Variants in ALDH18A1 observed in about 807,000 individuals in gnomAD.
The protein encoded by ALDH18A1 is delta-1-pyrroline-5-carboxylate synthase.
A neutral mutation model predicts 88.8 loss-of-function variants in ALDH18A1; 44 were observed. That is an observed-to-expected ratio of 0.50 (90% CI 0.39 to 0.64). The LOEUF is 0.64. Among genes scored for constraint, ALDH18A1 ranks in the 30% least tolerant of loss-of-function variants. The pLI is 0.00. For synonymous variants in ALDH18A1, 331 were observed against 372.1 expected (o/e 0.89, Z 1.27); for missense variants, 782 against 1,009.5 (o/e 0.77, Z 3.05).
intron 1 of ALDH18A1, among the ~76,000 whole-genome samples, chr10:95,654,864 C>G (rs2097915476): frequency 6.6e-6 from 1 of 151,908 alleles, no homozygotes; most frequent in African/African-American, 2.4e-5. Flanking sequence ...AAAATAACTA[C>G]AGAAGAGCCA....
intron 15 of ALDH18A1, among the ~76,000 whole-genome samples, chr10:95,613,335 TG>T (rs539868069): frequency 1.1e-3 from 166 of 152,274 alleles, no homozygotes; most frequent in Non-Finnish European, 1.8e-3. Flanking sequence ...CCAAAGACAC[TG>T]GGGGGAGGCA....
intron 2 of ALDH18A1, among the ~76,000 whole-genome samples, chr10:95,652,076 T>A (rs1363559739): frequency 6.6e-6 from 1 of 152,224 alleles, no homozygotes; most frequent in Non-Finnish European, 1.5e-5. Context: ...ACACAGCAAC[T>A]TGAATGAATC....
chr10:95,628,772 C>T (rs1387935806), intron 7 of ALDH18A1: 4 of 423,448 alleles, frequency 9.4e-6, no homozygotes, highest in Admixed American at 3.6e-5. Context: ...ATTAGCCCTG[C>T]CCATATTCCT....
chr10:95,655,681 A>AGTGTGT lies in ALDH18A1; in HGVS notation c.-29+910_-29+915dup, dbSNP rs3838754. 2.0e-3 allele frequency among the ~76,000 whole-genome samples: 304 copies of AGTGTGT among 150,276 alleles called. 2 individuals are homozygous for AGTGTGT. Among genetic ancestry groups the AGTGTGT allele is most frequent in the South Asian group, 0.018 (86 of 4,678 alleles). On this transcript the variant is annotated intron_variant, in intron 1 of 17. Coordinates refer to ENST00000371224, the MANE Select transcript of ALDH18A1 (RefSeq NM_002860.4). ...ACAGTTGATCCCAAGGAGCAAAGAG[A>AGTGTGT]GTGTGTGTGTGTGTGTGTGTGTGTG... is the stretch of plus-strand genomic sequence containing the variant.
At position 95,616,558 on chromosome 10, in the gene ALDH18A1, C is replaced by T; in HGVS notation, c.1524G>A (p.Glu508=). The stretch of plus-strand genomic sequence containing the variant: ...GGAGAATCCGGTTGCTGTGTGCAGC[C>T]TCCTTCCCTCCTTTGAGTAACAAGC... ...GNGLLLKGGK[E]AAHSNRILHL... is the part of the protein sequence containing the mutation. The change falls in exon 13 of 18, where the codon GAG becomes GAA. Residue 508 remains glutamate, a synonymous_variant. Transcript: ENST00000371224. The T allele has an allele frequency of 1.2e-6, 2 of 1,601,446 alleles. No homozygotes were observed. Among genetic ancestry groups the T allele is most frequent in the Non-Finnish European group, 1.7e-6 (2 of 1,174,000 alleles).
intron 9 of ALDH18A1, 75 bp from the exon 10 acceptor site, chr10:95,626,851 T>C: frequency 2.7e-6 from 4 of 1,469,506 alleles, no homozygotes; most frequent in Non-Finnish European, 3.8e-6. Context: ...GAGAGAGAAC[T>C]ACCAGCACAT....
chr10:95,649,956 A>AG (rs1465065475), intron 2 of ALDH18A1, among the ~76,000 whole-genome samples: 8 of 152,018 alleles, frequency 5.3e-5, no homozygotes, highest in African/African-American at 1.9e-4. Flanking sequence ...GCTACCTGGG[A>AG]GGCTGACATA....
chr10:95,632,509 G>A (rs1250658540), intron 7 of ALDH18A1, among the ~76,000 whole-genome samples: 2 of 152,148 alleles, frequency 1.3e-5, no homozygotes, highest in Non-Finnish European at 2.9e-5. Context: ...AACCGCAGGC[G>A]CATACCACCA....
intron 2 of ALDH18A1, among the ~76,000 whole-genome samples, chr10:95,652,228 G>C (rs1351828691): frequency 1.3e-5 from 2 of 152,216 alleles, no homozygotes; most frequent in Admixed American, 1.3e-4. Flanking sequence ...TAGGGAAGAG[G>C]ACAGTGGCTG....
intron 12 of ALDH18A1, 109 bp from the exon 13 acceptor site, chr10:95,616,723 T>C (rs2139552977): frequency 7.2e-7 from 1 of 1,386,640 alleles, no homozygotes; most frequent in East Asian, 2.5e-5. Flanking sequence ...GTTCATCATT[T>C]TAGAAGGCCT....
chr10:95,628,277 AT>A, intron 8 of ALDH18A1, 90 bp downstream of exon 8: 1 of 1,578,960 alleles, frequency 6.3e-7, no homozygotes, highest in Non-Finnish European at 8.7e-7. Context: ...TATCTGAACC[AT>A]TAACCCCCAA....
At chr10:95,635,227 A>T (rs1257377406) in intron 5 of ALDH18A1, among the ~76,000 whole-genome samples, 2 of 152,100 alleles carry the variant, frequency 1.3e-5, no homozygotes, top group African/African-American at 4.8e-5. Context: ...TGGACACAGG[A>T]CTAGGTCCAA....
chr10:95,611,524 T>G, intron 15 of ALDH18A1, 82 bp from the exon 16 acceptor site: 1 of 1,530,652 alleles, frequency 6.5e-7, no homozygotes, highest in Admixed American at 1.7e-5. Flanking sequence ...AAGGTGAGCC[T>G]GTAAAACCAC....
chr10:95,633,792 T>C (rs1403312350), intron 5 of ALDH18A1, 143 bp from the exon 6 acceptor site: 2 of 607,228 alleles, frequency 3.3e-6, no homozygotes, highest in African/African-American at 1.9e-5. Flanking sequence ...GAAATACACA[T>C]ATCTGGGTGC....
chr10:95,633,315 T>C (rs556795978), intron 6 of ALDH18A1, among the ~76,000 whole-genome samples, 176 bp downstream of exon 6: 2 of 152,196 alleles, frequency 1.3e-5, no homozygotes, highest in African/African-American at 2.4e-5. Context: ...CTATAGCACC[T>C]CACCCTGTTG....
chr10:95,624,842 T>C (rs1357911680), intron 11 of ALDH18A1, among the ~76,000 whole-genome samples: 3 of 152,246 alleles, frequency 2.0e-5, no homozygotes, highest in Admixed American at 6.5e-5. Context: ...CTCTTTCACA[T>C]GTACAGTCCA....
chr10:95,624,706 T>C (rs1034249061), intron 11 of ALDH18A1, among the ~76,000 whole-genome samples: 5 of 152,234 alleles, frequency 3.3e-5, no homozygotes, highest in African/African-American at 1.2e-4. Flanking sequence ...CATCTTACTT[T>C]ACCATTAGCA....
chr10:95,651,849 A>G (rs560163734), intron 2 of ALDH18A1, among the ~76,000 whole-genome samples: 1 of 152,346 alleles, frequency 6.6e-6, no homozygotes, highest in African/African-American at 2.4e-5. Context: ...TGTAGCTACA[A>G]TCTGACCCAG....
At chr10:95,645,427 A>C (rs2097899626) in intron 2 of ALDH18A1, among the ~76,000 whole-genome samples, 2 of 152,086 alleles carry the variant, frequency 1.3e-5, no homozygotes, top group East Asian at 3.9e-4. Context: ...AATTTTCTCA[A>C]AATTTCTTTA....
Sources: gnomAD v4.1 joint callset for allele counts (sites outside exome capture counted in the v4.1 genomes callset) on GRCh38, gnomAD v4.1.1 for gene constraint, MANE v1.5 for transcripts, NCBI Gene and HGNC (gene_info 2026-07-23, HGNC 2026-07-21) for gene names.